SCD: variants seen among roughly 807,000 people sequenced by gnomAD.
SCD encodes acyl-CoA desaturase.
Under a neutral mutation model 35.7 loss-of-function variants are expected in SCD, and 4 were observed. The observed-to-expected ratio is 0.11, with a 90% CI of 0.06 to 0.26. The LOEUF is 0.26. Ranked by LOEUF, SCD falls within the 10% of genes least tolerant of loss-of-function variation. The pLI is 1.00. For missense variants in SCD, 282 were observed against 460.7 expected (o/e 0.61, Z 3.55); for synonymous variants, 150 against 170.2 (o/e 0.88, Z 0.92).
rs929811433 is a variant in SCD, at chr10:100,352,774, G to A, written c.441+278G>A. Among the ~76,000 whole-genome samples the A allele has an allele frequency of 6.6e-6, 1 of 152,182 alleles. No individual in the cohort carries two copies. Among genetic ancestry groups the A allele is most frequent in the Admixed American group, 6.5e-5 (1 of 15,278 alleles). On this transcript the variant is annotated intron_variant, in intron 3 of 5. Transcript: ENST00000370355. The surrounding 1 kb of genome is among the most constrained non-coding windows in gnomAD (Gnocchi z 4.2). ...CCCTGTGTTGTCACACAATCTGGCC[G>A]TTGTGGCTCTTCATCATAAGGGGCT... is the stretch of plus-strand genomic sequence containing the variant.
intron 2 of SCD, among the ~76,000 whole-genome samples, chr10:100,348,565 T>A (rs1849834002): frequency 7.1e-6 from 1 of 140,552 alleles, no homozygotes; most frequent in East Asian, 2.1e-4. Flanking sequence ...CTTTGGAACC[T>A]TGTGCTTGTG....
chr10:100,358,681 G>T (rs1430350640), intron 5 of SCD, among the ~76,000 whole-genome samples: 8 of 150,996 alleles, frequency 5.3e-5, no homozygotes, highest in Non-Finnish European at 1.0e-4. Context: ...AGCCAAAGTG[G>T]GTGGTTCACT....
chr10:100,351,560 A>G (rs1849872928), intron 2 of SCD, among the ~76,000 whole-genome samples: 1 of 152,160 alleles, frequency 6.6e-6, no homozygotes, highest in East Asian at 1.9e-4. Flanking sequence ...GTACCAGTTG[A>G]TAAATGGCCA....
chr10:100,349,283 C>G (rs1487955322), intron 2 of SCD, among the ~76,000 whole-genome samples: 1 of 152,226 alleles, frequency 6.6e-6, no homozygotes, highest in Non-Finnish European at 1.5e-5. Context: ...GCCCTGCCCC[C>G]TGGATACACA....
rs763395433 is a variant in SCD at position 100,360,889 on chromosome 10, G to T, written c.1036G>T (p.Ala346Ser). Residue 346 changes from alanine (A) to serine (S), a missense_variant, in exon 6 of 6, where the codon GCC becomes TCC. Ala to Ser is a moderately conservative substitution (Grantham distance 99). Transcript: ENST00000370355. Reference protein sequence around the residue: ...RKKVSKAAILARIKRTGDGNY... With the variant: ...RKKVSKAAILSRIKRTGDGNY... ...GAAAGTCTCCAAGGCCGCCATCTTG[G>T]CCAGGATTAAAAGAACCGGAGATGG... is the stretch of plus-strand genomic sequence containing the variant. The T allele has an allele frequency of 6.2e-7, 1 of 1,613,962 alleles. No homozygotes were observed. The highest frequency in any genetic ancestry group is 1.7e-5 in the Admixed American group (1 of 60,012).
At chr10:100,349,643 G>C (rs962046324) in intron 2 of SCD, among the ~76,000 whole-genome samples, 1 of 152,166 alleles carries the variant, frequency 6.6e-6, no homozygotes, top group African/African-American at 2.4e-5. Context: ...ACCACCTGTG[G>C]GCAACAGTAC....
In SCD at chr10:100,347,496, A is replaced by C; in HGVS notation, c.-9A>C. On this transcript the variant is annotated 5_prime_UTR_variant, in exon 1 of 6. Transcript: ENST00000370355. ...CCCTGGAAAGTGATCCCGGCATCCG[A>C]GAGCCAAGATGCCGGCCCACTTGCT... The C allele has an allele frequency of 1.2e-6, 2 of 1,613,860 alleles. No individual in the cohort carries two copies. The highest frequency in any genetic ancestry group is 1.3e-5 in the African/African-American group (1 of 75,030).
chr10:100,350,651 G>T (rs1367234058), intron 2 of SCD, among the ~76,000 whole-genome samples: 1 of 152,202 alleles, frequency 6.6e-6, no homozygotes, highest in African/African-American at 2.4e-5. Flanking sequence ...GCACCAGAGT[G>T]CCTGAGTTCT....
intron 2 of SCD, among the ~76,000 whole-genome samples, chr10:100,350,174 G>A (rs1849855482): frequency 6.6e-6 from 1 of 151,984 alleles, no homozygotes; most frequent in South Asian, 2.1e-4. Flanking sequence ...GGGCCCTTTG[G>A]TGGATGGCTT....
Position 100,348,338 on chromosome 10 carries a change from G to C in SCD, c.302G>C (p.Trp101Ser), listed in dbSNP as rs748314542. The C allele has an allele frequency of 1.2e-6, 2 of 1,613,410 alleles. No homozygotes were observed. The highest frequency in any genetic ancestry group is 1.7e-5 in the Admixed American group (1 of 59,972). Reference sequence around the variant, plus strand: ...ATTCCTACCTGCAAGTTCTACACCTGGCTTTGGGGTAAGCAGCCTCCCTGT... The same window carrying C: ...ATTCCTACCTGCAAGTTCTACACCTCGCTTTGGGGTAAGCAGCCTCCCTGT... ...TLIPTCKFYT[W>S]LWGVFYYFVS... The change falls in exon 2 of 6, where the codon TGG becomes TCG. Residue 101 changes from tryptophan to serine, a missense_variant. Physicochemically the swap from Trp to Ser is radical, Grantham distance 177. Coordinates refer to ENST00000370355, the MANE Select transcript of SCD (RefSeq NM_005063.5).
intron 5 of SCD, among the ~76,000 whole-genome samples, chr10:100,358,461 G>T (rs543995977): frequency 6.6e-6 from 1 of 151,512 alleles, no homozygotes; most frequent in African/African-American, 2.4e-5. Context: ...GCGCAGTGGC[G>T]GGCGCCTGTA....
At chr10:100,360,575 G>A (rs573437653) in intron 5 of SCD, among the ~76,000 whole-genome samples, 159 bp from the exon 6 acceptor site, 65 of 152,348 alleles carry the variant, frequency 4.3e-4, no homozygotes, top group Non-Finnish European at 8.1e-4. Flanking sequence ...AGATGCCTCT[G>A]AGGGGATCTG....
At chr10:100,349,282 C>T (rs1849846330) in intron 2 of SCD, among the ~76,000 whole-genome samples, 1 of 152,228 alleles carries the variant, frequency 6.6e-6, no homozygotes, top group African/African-American at 2.4e-5. Context: ...GGCCCTGCCC[C>T]CTGGATACAC....
Position 100,360,888 on chromosome 10 carries a change from G to T in SCD, c.1035G>T (p.Leu345Phe), listed in dbSNP as rs374521473. The T allele has an allele frequency of 6.2e-7, 1 of 1,613,934 alleles. No homozygotes were observed. The highest frequency in any genetic ancestry group is 1.3e-5 in the African/African-American group (1 of 75,032). ...DRKKVSKAAI[L>F]ARIKRTGDGN... Reference sequence around the variant, plus strand: ...AGAAAGTCTCCAAGGCCGCCATCTTGGCCAGGATTAAAAGAACCGGAGATG... The same window carrying T: ...AGAAAGTCTCCAAGGCCGCCATCTTTGCCAGGATTAAAAGAACCGGAGATG... The change falls in exon 6 of 6, where the codon TTG (leucine) becomes TTT (phenylalanine). Residue 345 changes from leucine to phenylalanine, a missense_variant. This residue lies in a region of SCD where 205 missense variants were observed against 372.3 expected (regional missense o/e 0.55). Transcript: ENST00000370355.
In SCD at chr10:100,352,228, C is replaced by T. The variant is rs1262499424; in HGVS notation, c.311-138C>T. 15 of 734,408 alleles carry T rather than the reference C, an allele frequency of 2.0e-5. No homozygotes were observed. Among genetic ancestry groups the T allele is most frequent in the Non-Finnish European group, 3.3e-5 (15 of 455,680 alleles). 45.5% of individuals were successfully genotyped at this position (734,408 alleles called of 1,614,324 possible). A position where few individuals can be genotyped will look rare whatever the true frequency, so the allele number is the denominator to read the frequency against. ...GTAAAATCTAAGGGATGTGGTTATC[C>T]CTAGAGTTCATGGTAAAGCCAGTTC... is the stretch of plus-strand genomic sequence containing the variant. On this transcript the variant is annotated intron_variant, in intron 2 of 5. Transcript: ENST00000370355. This position sits in a 1 kb window ranked among gnomAD's most constrained non-coding sequence, Gnocchi z 4.2.
chr10:100,349,217 C>T (rs775712093), intron 2 of SCD, among the ~76,000 whole-genome samples: 20 of 152,208 alleles, frequency 1.3e-4, no homozygotes, highest in South Asian at 4.1e-4. Flanking sequence ...AGTTTGTCCC[C>T]GACCTGCCCT....
chr10:100,359,285 A>C (rs1849964867), intron 5 of SCD, among the ~76,000 whole-genome samples: 1 of 151,748 alleles, frequency 6.6e-6, no homozygotes, highest in African/African-American at 2.4e-5. Context: ...TGCCACCCTA[A>C]TCTTTTTGTT....
At chr10:100,354,156 A>G (rs376861434) in intron 3 of SCD, among the ~76,000 whole-genome samples, 1 of 152,352 alleles carries the variant, frequency 6.6e-6, no homozygotes, top group East Asian at 1.9e-4. Context: ...GCTCTGTATG[A>G]TTTACCTCCG....
In SCD at chr10:100,364,116, A is replaced by C. The variant is rs1850016847; in HGVS notation, c.*3183A>C. On this transcript the variant is annotated 3_prime_UTR_variant, in exon 6 of 6. Coordinates refer to ENST00000370355, the MANE Select transcript of SCD (RefSeq NM_005063.5). ...ATAATTTGAATGTATTTGATTTATAAGTTTTTTTTTTTTTTTTGGGTTAAA... is the reference window on the plus strand; with the variant it reads ...ATAATTTGAATGTATTTGATTTATACGTTTTTTTTTTTTTTTTGGGTTAAA... 7.0e-6 allele frequency: 1 copy of C among 143,632 alleles called. No homozygotes were observed. Among genetic ancestry groups the C allele is most frequent in the African/African-American group, 2.7e-5 (1 of 36,626 alleles). The allele number at this position is 143,632 out of a possible 1,614,324, so 8.9% of individuals were successfully genotyped here. A position where few individuals can be genotyped will look rare whatever the true frequency, so the allele number is the denominator to read the frequency against.
Sources: allele counts gnomAD v4.1 joint callset (sites outside exome capture counted in the v4.1 genomes callset), GRCh38; gene constraint gnomAD v4.1.1; regional missense constraint gnomAD v4.1.1; non-coding constraint Gnocchi (gnomAD v3.1); transcripts MANE v1.5; gene names NCBI Gene and HGNC (gene_info 2026-07-23, HGNC 2026-07-21).